Variants in GTF3C1 observed in about 807,000 individuals in gnomAD.
The protein encoded by GTF3C1 is general transcription factor 3C polypeptide 1.
Under a neutral mutation model 226.7 loss-of-function variants are expected in GTF3C1, and 57 were observed. The ratio of observed to expected loss-of-function variants is 0.25; its 90% CI spans 0.20 to 0.31. GTF3C1 has a LOEUF of 0.31. Among genes scored for constraint, GTF3C1 ranks in the 10% least tolerant of loss-of-function variants. GTF3C1 has a pLI of 1.00. For missense variants in GTF3C1, 2,217 were observed against 2,776.1 expected, an observed-to-expected ratio of 0.80 and a Z score of 4.53; for synonymous variants, 1,090 against 1,084.8, an observed-to-expected ratio of 1.00 and a Z score of -0.09.
At chr16:27,541,942 T>C (rs997585561) in intron 2 of GTF3C1, among the ~76,000 whole-genome samples, 1 of 152,182 alleles carries the variant, frequency 6.6e-6, no homozygotes, top group Non-Finnish European at 1.5e-5. Context: ...TGTAAAAAAT[T>C]GGTCTCAGTG....
intron 5 of GTF3C1, 22 bp from the exon 6 acceptor site, chr16:27,528,743 GCTA>G: frequency 1.2e-6 from 2 of 1,609,836 alleles, no homozygotes; most frequent in Non-Finnish European, 1.7e-6. Context: ...CAATTTAAAG[GCTA>G]CTATTAGACA....
At position 27,469,793 on chromosome 16, in the gene GTF3C1, C is replaced by A. The variant is rs564836699; in HGVS notation, c.4815-243G>T. The stretch of plus-strand genomic sequence containing the variant: ...CTCTGTGGGGACTGTTCCTTTTGCC[C>A]GTCTCTCAGCCCAGAAAACACCCAT... On this transcript the variant is annotated intron_variant, in intron 31 of 36. Transcript: ENST00000356183. This position sits in a 1 kb window ranked among gnomAD's most constrained non-coding sequence, Gnocchi z 4.5. Among the ~76,000 whole-genome samples the A allele has an allele frequency of 6.6e-6, 1 of 152,128 alleles. No homozygotes were observed. The highest frequency in any genetic ancestry group is 2.4e-5 in the African/African-American group (1 of 41,408).
chr16:27,483,355 CG>C, intron 25 of GTF3C1: 2 of 642,324 alleles, frequency 3.1e-6, no homozygotes, highest in Non-Finnish European at 5.8e-6. Flanking sequence ...TCTGAACTTC[CG>C]TCCTTCATAG....
At chr16:27,495,998 G>A (rs2088310302) in intron 14 of GTF3C1, among the ~76,000 whole-genome samples, 1 of 152,252 alleles carries the variant, frequency 6.6e-6, no homozygotes, top group Non-Finnish European at 1.5e-5. Flanking sequence ...ATGTTGGCAT[G>A]TGATCCTCGG....
At chr16:27,535,370 C>T (rs772321446) in intron 4 of GTF3C1, among the ~76,000 whole-genome samples, 4 of 152,010 alleles carry the variant, frequency 2.6e-5, no homozygotes, top group Non-Finnish European at 5.9e-5. Flanking sequence ...GTCAGGAGTT[C>T]GAGACCAGCC....
Position 27,462,393 on chromosome 16 carries a change from C to T in GTF3C1, c.6018G>A (p.Met2006Ile). ...LPVCKGMMEA[M>I]LYHIMTRPGI... ...CAGGCCTGGTCATGATGTGGTACAG[C>T]ATGGCCTCCATCATACCCTTGCATA... Residue 2006 changes from methionine (M) to isoleucine (I), a missense_variant, in exon 36 of 37, where the codon ATG becomes ATA. Physicochemically the swap from Met to Ile is conservative, Grantham distance 10 (BLOSUM62 1). Transcript: ENST00000356183. This position sits in a 1 kb window ranked among gnomAD's most constrained non-coding sequence, Gnocchi z 4.5. 1 of 1,608,842 alleles carries T rather than the reference C, an allele frequency of 6.2e-7. No homozygotes were observed. The highest frequency in any genetic ancestry group is 8.5e-7 in the Non-Finnish European group (1 of 1,177,612).
At chr16:27,526,190 C>T (rs528679667) in intron 6 of GTF3C1, among the ~76,000 whole-genome samples, 186 of 152,286 alleles carry the variant, frequency 1.2e-3, no homozygotes, top group African/African-American at 4.3e-3. Context: ...CCTAGGAAAC[C>T]GTAAGTCTGG....
chr16:27,522,437 G>C (rs1259555279), intron 6 of GTF3C1, among the ~76,000 whole-genome samples: 1 of 152,192 alleles, frequency 6.6e-6, no homozygotes, highest in Non-Finnish European at 1.5e-5. Flanking sequence ...ATTTATTTCT[G>C]GACTCTCAGT....
chr16:27,502,052 A>C (rs2088412928), intron 11 of GTF3C1, among the ~76,000 whole-genome samples: 1 of 151,730 alleles, frequency 6.6e-6, no homozygotes, highest in South Asian at 2.1e-4. Flanking sequence ...CCGAGATTGC[A>C]TCATGCACTC....
intron 7 of GTF3C1, among the ~76,000 whole-genome samples, chr16:27,510,216 T>A (rs927464223): frequency 6.6e-6 from 1 of 152,110 alleles, no homozygotes; most frequent in Admixed American, 6.5e-5. Context: ...AAACCCCGTC[T>A]CTACTAAAAA....
intron 2 of GTF3C1, among the ~76,000 whole-genome samples, chr16:27,544,719 T>C (rs1353478792): frequency 6.6e-6 from 1 of 151,314 alleles, no homozygotes; most frequent in Non-Finnish European, 1.5e-5. Context: ...TGACTGAGGA[T>C]TCACAAGAGA....
Position 27,492,206 on chromosome 16 carries a change from C to G in GTF3C1, c.3151+132G>C, listed in dbSNP as rs1596630556. On this transcript the variant is annotated intron_variant, in intron 19 of 36. Transcript: ENST00000356183. This position sits in a 1 kb window ranked among gnomAD's most constrained non-coding sequence, Gnocchi z 5.0. The stretch of plus-strand genomic sequence containing the variant: ...TTTCCAAGGGAGCCCCAGGGGTGCT[C>G]TGGGCCTCTGGGGAGCACTCGGAAC... The G allele has an allele frequency of 3.2e-6, 2 of 624,834 alleles. No homozygotes were observed. Among genetic ancestry groups the G allele is most frequent in the African/African-American group, 1.8e-5 (1 of 54,616 alleles). The allele number at this position is 624,834 out of a possible 1,614,324, so 38.7% of individuals were successfully genotyped here. A position where few individuals can be genotyped will look rare whatever the true frequency, so the allele number is the denominator to read the frequency against.
In GTF3C1 at chr16:27,549,595, G is replaced by T; in HGVS notation, c.221+75C>A. On this transcript the variant is annotated intron_variant, in intron 1 of 36. Transcript: ENST00000356183. ...TTGCACAGCCCCACTCCATTCCCCC[G>T]CCCTGCCCCCAGCTCCATCAGCCCC... 4 of 791,994 alleles carry T rather than the reference G, an allele frequency of 5.1e-6. No individual in the cohort carries two copies. The South Asian group carries it at 6.7e-5, about 13-fold the overall frequency. 49.1% of individuals were successfully genotyped at this position (791,994 alleles called of 1,614,324 possible).
chr16:27,548,320 T>C (rs1158213780), intron 1 of GTF3C1, among the ~76,000 whole-genome samples: 1 of 152,154 alleles, frequency 6.6e-6, no homozygotes, highest in Non-Finnish European at 1.5e-5. Flanking sequence ...CAGGCTGGAG[T>C]GCAATGGCTG....
chr16:27,501,453 G>C lies in GTF3C1; in HGVS notation c.1908-109C>G, dbSNP rs368363336. 3.0e-5 allele frequency: 29 copies of C among 977,174 alleles called. No individual in the cohort carries two copies. In the African/African-American group the frequency reaches 3.5e-4, roughly 12 times the overall value. 60.5% of individuals were successfully genotyped at this position (977,174 alleles called of 1,614,324 possible). A position where few individuals can be genotyped will look rare whatever the true frequency, so the allele number is the denominator to read the frequency against. ...ACGGTACCCAATAGAAACAAGGAAGGATCAAACGGGGTTTCCCCACCCTGG... is the reference window on the plus strand; with the variant it reads ...ACGGTACCCAATAGAAACAAGGAAGCATCAAACGGGGTTTCCCCACCCTGG... On this transcript the variant is annotated intron_variant, in intron 11 of 36. Transcript: ENST00000356183.
intron 28 of GTF3C1, among the ~76,000 whole-genome samples, chr16:27,478,171 A>AAAAGAAAAAAAAAAGG (rs752783619): frequency 2.0e-5 from 3 of 152,136 alleles, no homozygotes; most frequent in East Asian, 3.9e-4. Flanking sequence ...ACTCCATCTC[A>AAAAGAAAAAAAAAAGG]AAAGAAAAAA....
chr16:27,514,854 G>A (rs1441387235), intron 6 of GTF3C1, among the ~76,000 whole-genome samples: 3 of 152,250 alleles, frequency 2.0e-5, no homozygotes, highest in Middle Eastern at 3.4e-3. Flanking sequence ...TGGTTTAGAC[G>A]CCCCTGATTC....
intron 4 of GTF3C1, among the ~76,000 whole-genome samples, chr16:27,535,812 C>T (rs775296681): frequency 1.2e-4 from 18 of 151,890 alleles, no homozygotes; most frequent in Non-Finnish European, 2.1e-4. Flanking sequence ...CGCGCCATCG[C>T]ACTCCAGCCT....
At chr16:27,479,595 A>G (rs1003482393) in intron 27 of GTF3C1, among the ~76,000 whole-genome samples, 2 of 152,168 alleles carry the variant, frequency 1.3e-5, no homozygotes, top group African/African-American at 4.8e-5. Flanking sequence ...CAGCCTCCCA[A>G]GTAGCTGGGA....
Sources: allele counts gnomAD v4.1 joint callset (sites outside exome capture counted in the v4.1 genomes callset), GRCh38; gene constraint gnomAD v4.1.1; non-coding constraint Gnocchi (gnomAD v3.1); transcripts MANE v1.5; gene names NCBI Gene and HGNC (gene_info 2026-07-23, HGNC 2026-07-21).